Variants in PPM1E observed in about 807,000 individuals in gnomAD.
PPM1E encodes the protein protein phosphatase, Mg2+/Mn2+ dependent 1E.
In PPM1E, 20 loss-of-function variants were observed where a neutral mutation model predicts 65.9. That is an observed-to-expected ratio of 0.30 (90% CI 0.21 to 0.44). PPM1E has a LOEUF of 0.44. Ranked by LOEUF, PPM1E falls within the 20% of genes least tolerant of loss-of-function variation. PPM1E has a pLI of 1.00. For missense variants in PPM1E, 713 were observed against 953.1 expected, an observed-to-expected ratio of 0.75 and a Z score of 3.32; for synonymous variants, 352 against 374.9, an observed-to-expected ratio of 0.94 and a Z score of 0.70.
At chr17:58,938,787 C>CTTTT (rs565049669) in intron 1 of PPM1E, among the ~76,000 whole-genome samples, 24 of 125,150 alleles carry the variant, frequency 1.9e-4, no homozygotes, top group African/African-American at 3.7e-4. Context: ...TACACTAATT[C>CTTTT]TTTTTTTTTT....
chr17:58,885,033 C>CTT (rs1208444645), intron 1 of PPM1E, among the ~76,000 whole-genome samples: 2 of 151,960 alleles, frequency 1.3e-5, no homozygotes, highest in African/African-American at 4.8e-5. Flanking sequence ...GTAACCTCTG[C>CTT]TTAATGTCTT....
intron 1 of PPM1E, among the ~76,000 whole-genome samples, chr17:58,860,423 T>C (rs2050927346): frequency 6.6e-6 from 1 of 152,200 alleles, no homozygotes; most frequent in East Asian, 1.9e-4. Context: ...TAGTTTTCCA[T>C]CCCTTATTTC....
intron 1 of PPM1E, among the ~76,000 whole-genome samples, chr17:58,915,354 A>G (rs1051256020): frequency 3.3e-5 from 5 of 152,170 alleles, no homozygotes; most frequent in Non-Finnish European, 7.3e-5. Flanking sequence ...GAATGTGGCA[A>G]TGAGGATGAC....
intron 1 of PPM1E, among the ~76,000 whole-genome samples, chr17:58,790,887 A>G (rs1242333854): frequency 8.2e-6 from 1 of 121,516 alleles, no homozygotes; most frequent in Non-Finnish European, 1.7e-5. Context: ...ATCTTGAGAG[A>G]TAATAAATTT....
chr17:58,856,387 C>T lies in PPM1E; in HGVS notation c.465-99262C>T, dbSNP rs62083404. On this transcript the variant is annotated intron_variant, in intron 1 of 6. Coordinates refer to ENST00000308249, the MANE Select transcript of PPM1E (RefSeq NM_014906.5). Reference sequence around the variant, plus strand: ...CCTAGTAGCTGGGATTACAGGCCTGCGCCACCATGCCTGGCTAATTTTGTA... The same window carrying T: ...CCTAGTAGCTGGGATTACAGGCCTGTGCCACCATGCCTGGCTAATTTTGTA... Among the ~76,000 whole-genome samples, 260 of 152,152 alleles carry T rather than the reference C, an allele frequency of 1.7e-3. 1 individual carries two copies. Among genetic ancestry groups the T allele is most frequent in the Non-Finnish European group, 2.5e-3 (168 of 68,004 alleles).
chr17:58,787,378 CT>C (rs925327788), intron 1 of PPM1E, among the ~76,000 whole-genome samples: 1 of 151,432 alleles, frequency 6.6e-6, no homozygotes, highest in Admixed American at 6.6e-5. Flanking sequence ...CCAAATTTTT[CT>C]TTTTTTTCTT....
At chr17:58,841,670 TGC>T (rs1017545053) in intron 1 of PPM1E, among the ~76,000 whole-genome samples, 4 of 151,886 alleles carry the variant, frequency 2.6e-5, no homozygotes, top group African/African-American at 9.7e-5. Context: ...GGATTACAGG[TGC>T]ACACCACCGT....
chr17:58,963,161 G>A (rs1275927450), intron 2 of PPM1E, among the ~76,000 whole-genome samples: 1 of 151,978 alleles, frequency 6.6e-6, no homozygotes, highest in Non-Finnish European at 1.5e-5. Flanking sequence ...GAGGTGGGTG[G>A]ATCACCTGAG....
At chr17:58,966,103 T>C (rs1344498251) in intron 3 of PPM1E, 1 of 595,922 alleles carries the variant, frequency 1.7e-6, no homozygotes, top group East Asian at 2.9e-5. Context: ...TGGTTCAAAA[T>C]TGGGAAAATA....
At chr17:58,840,272 A>G (rs1032743587) in intron 1 of PPM1E, among the ~76,000 whole-genome samples, 7 of 152,212 alleles carry the variant, frequency 4.6e-5, no homozygotes, top group Admixed American at 2.6e-4. Context: ...TCATATAGAC[A>G]TGATTGACTA....
chr17:58,945,866 G>A (rs2052143123), intron 1 of PPM1E, among the ~76,000 whole-genome samples: 1 of 152,164 alleles, frequency 6.6e-6, no homozygotes, highest in South Asian at 2.1e-4. Flanking sequence ...TCTGTTGGAG[G>A]TGGGGTATGC....
intron 1 of PPM1E, 138 bp downstream of exon 1, chr17:58,756,599 C>T: frequency 1.9e-6 from 2 of 1,079,490 alleles, no homozygotes; most frequent in Non-Finnish European, 2.4e-6. Flanking sequence ...GCTGAAAGCG[C>T]CCCCGCTGCT....
At chr17:58,805,971 AAACAAAAAAAAAAC>A (rs1567838822) in intron 1 of PPM1E, among the ~76,000 whole-genome samples, 10 of 118,970 alleles carry the variant, frequency 8.4e-5, no homozygotes, top group South Asian at 5.8e-4. Flanking sequence ...CAAAAAAAAA[AAACAAAAAAAAAAC>A]AAAACAAAAC....
chr17:58,974,265 A>G (rs1055888460), intron 6 of PPM1E, among the ~76,000 whole-genome samples: 1 of 152,174 alleles, frequency 6.6e-6, no homozygotes, highest in Non-Finnish European at 1.5e-5. Flanking sequence ...ATTTCCATGA[A>G]TTTTAAAATG....
At chr17:58,848,520 A>G (rs1483723831) in intron 1 of PPM1E, among the ~76,000 whole-genome samples, 1 of 152,154 alleles carries the variant, frequency 6.6e-6, no homozygotes, top group Admixed American at 6.5e-5. Flanking sequence ...TTCTGCATCT[A>G]TTGAGATAAT....
intron 1 of PPM1E, among the ~76,000 whole-genome samples, chr17:58,806,420 A>T (rs959292148): frequency 6.6e-6 from 1 of 151,832 alleles, no homozygotes; most frequent in African/African-American, 2.4e-5. Context: ...TTTCTAACTA[A>T]TAAATGGTAA....
At chr17:58,956,811 A>T (rs189954081) in intron 2 of PPM1E, among the ~76,000 whole-genome samples, 1 of 152,222 alleles carries the variant, frequency 6.6e-6, no homozygotes, top group African/African-American at 2.4e-5. Context: ...TTTGCCTTTA[A>T]TCATGGTATA....
chr17:58,811,146 C>T (rs1312782144), intron 1 of PPM1E, among the ~76,000 whole-genome samples: 2 of 152,112 alleles, frequency 1.3e-5, no homozygotes, highest in Non-Finnish European at 2.9e-5. Flanking sequence ...GTGTGAGTCA[C>T]CTCACCCAGC....
intron 1 of PPM1E, among the ~76,000 whole-genome samples, chr17:58,837,332 T>TAC (rs59797345): frequency 0.041 from 5,340 of 131,372 alleles, 169 homozygotes; most frequent in Admixed American, 0.1. Context: ...CACACACACA[T>TAC]ACACACACAC....
Sources: gnomAD v4.1 joint callset for allele counts (sites outside exome capture counted in the v4.1 genomes callset) on GRCh38, gnomAD v4.1.1 for gene constraint, MANE v1.5 for transcripts, NCBI Gene and HGNC (gene_info 2026-07-23, HGNC 2026-07-21) for gene names.